GPATCH2: variants seen among roughly 807,000 people sequenced by gnomAD.
GPATCH2 encodes the protein G patch domain-containing protein 2.
GPATCH2 carries 51 observed loss-of-function variants against 58.0 expected under a neutral mutation model. The observed-to-expected ratio is 0.88, with a 90% CI of 0.70 to 1.11. The LOEUF (loss-of-function observed/expected upper bound fraction) is 1.11. GPATCH2 is among the 50% of genes most tolerant of loss of function. The pLI is 0.00. For missense variants in GPATCH2, 625 were observed against 652.2 expected, an observed-to-expected ratio of 0.96 and a Z score of 0.45; for synonymous variants, 222 against 218.5, an observed-to-expected ratio of 1.02 and a Z score of -0.14.
rs577507004 is a variant in GPATCH2 at position 217,583,652 on chromosome 1, A to C, written c.1098+26669T>G. On this transcript the variant is annotated intron_variant, in intron 5 of 9. Transcript: ENST00000366935. ...GGATAAGGGCTGAAATCTTTTTTTA[A>C]GAACTGATTAAAGATAGGAATTCTC... 2.0e-5 allele frequency among the ~76,000 whole-genome samples: 3 copies of C among 152,008 alleles called. No homozygotes were observed. The South Asian group carries it at 6.2e-4, about 32-fold the overall frequency.
intron 8 of GPATCH2, among the ~76,000 whole-genome samples, chr1:217,482,535 G>T (rs555342330): frequency 3.9e-5 from 6 of 152,214 alleles, no homozygotes; most frequent in African/African-American, 1.4e-4. Context: ...CCACTAAGAG[G>T]CCAGTGTGTC....
chr1:217,572,054 G>C (rs1432752750), intron 5 of GPATCH2, among the ~76,000 whole-genome samples: 1 of 151,900 alleles, frequency 6.6e-6, no homozygotes, highest in Non-Finnish European at 1.5e-5. Flanking sequence ...GGGAGAGGGA[G>C]AGAAATTAGG....
intron 5 of GPATCH2, among the ~76,000 whole-genome samples, chr1:217,553,994 C>T (rs977046689): frequency 6.6e-6 from 1 of 152,126 alleles, no homozygotes; most frequent in Non-Finnish European, 1.5e-5. Flanking sequence ...AAAAAAATCC[C>T]ATTTACTTTC....
intron 5 of GPATCH2, among the ~76,000 whole-genome samples, chr1:217,596,905 TC>T (rs1235589096): frequency 1.3e-5 from 2 of 152,108 alleles, no homozygotes; most frequent in East Asian, 1.9e-4. Flanking sequence ...AGCTAGGACT[TC>T]CCAGGAAACA....
intron 5 of GPATCH2, among the ~76,000 whole-genome samples, chr1:217,545,667 G>A (rs1224200842): frequency 1.3e-5 from 2 of 152,094 alleles, no homozygotes; most frequent in African/African-American, 2.4e-5. Context: ...GTTTTTCTGT[G>A]TTGTCCATGG....
chr1:217,524,733 CACCTGCAATTGCAGGCACTCGG>C (rs1663737087), intron 5 of GPATCH2, among the ~76,000 whole-genome samples: 2 of 150,060 alleles, frequency 1.3e-5, no homozygotes, highest in South Asian at 4.3e-4. Context: ...TGGCAGCGCG[CACCTGCAATTGCAGGCACTCGG>C]CAGGCTTAGG....
chr1:217,470,490 G>A (rs1008071098), intron 8 of GPATCH2, among the ~76,000 whole-genome samples: 1 of 151,882 alleles, frequency 6.6e-6, no homozygotes, highest in Non-Finnish European at 1.5e-5. Context: ...TTCTGTGTGG[G>A]CTTTTCATAT....
chr1:217,498,970 T>C (rs573557407), intron 6 of GPATCH2, among the ~76,000 whole-genome samples: 1 of 152,132 alleles, frequency 6.6e-6, no homozygotes, highest in Non-Finnish European at 1.5e-5. Context: ...AGTCACTGCA[T>C]CATCAAAGCC....
intron 5 of GPATCH2, among the ~76,000 whole-genome samples, chr1:217,525,912 A>AT (rs1194950414): frequency 1.3e-5 from 2 of 152,196 alleles, no homozygotes; most frequent in Non-Finnish European, 2.9e-5. Flanking sequence ...AACTACTTAA[A>AT]TTATTTTGGT....
chr1:217,476,498 A>T (rs1302526198), intron 8 of GPATCH2, among the ~76,000 whole-genome samples: 1 of 152,134 alleles, frequency 6.6e-6, no homozygotes, highest in African/African-American at 2.4e-5. Context: ...AACAGTCTTG[A>T]ATCACTGATG....
At chr1:217,556,489 A>T (rs1170973187) in intron 5 of GPATCH2, among the ~76,000 whole-genome samples, 1 of 152,096 alleles carries the variant, frequency 6.6e-6, no homozygotes, top group Non-Finnish European at 1.5e-5. Flanking sequence ...GCACTTGCTC[A>T]TTTCTTCCAA....
intron 5 of GPATCH2, among the ~76,000 whole-genome samples, chr1:217,571,745 T>TAAAAAAAAA (rs1553343130): frequency 7.3e-6 from 1 of 137,110 alleles, no homozygotes; most frequent in African/African-American, 2.6e-5. Flanking sequence ...ATAAGAAAAT[T>TAAAAAAAAA]AGCTGGGCAT....
intron 5 of GPATCH2, among the ~76,000 whole-genome samples, chr1:217,592,668 T>G (rs1160569740): frequency 6.6e-6 from 1 of 151,928 alleles, no homozygotes; most frequent in Non-Finnish European, 1.5e-5. Flanking sequence ...TTTCAATCAC[T>G]TAGGGTACAT....
chr1:217,495,149 T>C lies in GPATCH2; in HGVS notation c.1206+3207A>G, dbSNP rs906232304. On this transcript the variant is annotated intron_variant, in intron 7 of 9. Coordinates refer to ENST00000366935, the MANE Select transcript of GPATCH2 (RefSeq NM_018040.5). ...CTGTAAGTAAAAAACCTAGGTACAA[T>C]TGGAAAAACTGCTGAATTAAACCAG... 3 of 234,772 alleles carry C rather than the reference T, an allele frequency of 1.3e-5. No individual in the cohort carries two copies. The South Asian group carries it at 4.6e-4, about 36-fold the overall frequency. The allele number at this position is 234,772 out of a possible 1,614,324, so 14.5% of individuals were successfully genotyped here.
chr1:217,628,942 C>T (rs147936462), intron 1 of GPATCH2, among the ~76,000 whole-genome samples: 237 of 152,146 alleles, frequency 1.6e-3, no homozygotes, highest in African/African-American at 5.1e-3. Context: ...GGGGGGTATA[C>T]TGGAATCATC....
At chr1:217,615,861 A>C (rs1292641439) in intron 2 of GPATCH2, among the ~76,000 whole-genome samples, 2 of 152,146 alleles carry the variant, frequency 1.3e-5, no homozygotes, top group Admixed American at 6.5e-5. Context: ...AAGCATTATG[A>C]ATTGATGTGC....
At chr1:217,596,874 T>C (rs1667857312) in intron 5 of GPATCH2, among the ~76,000 whole-genome samples, 1 of 152,128 alleles carries the variant, frequency 6.6e-6, no homozygotes, top group African/African-American at 2.4e-5. Context: ...AAAATAATGA[T>C]AATTAAAAGA....
chr1:217,437,782 C>A (rs1193637119), intron 9 of GPATCH2, among the ~76,000 whole-genome samples: 1 of 152,192 alleles, frequency 6.6e-6, no homozygotes, highest in Non-Finnish European at 1.5e-5. Flanking sequence ...AGAGCACCTG[C>A]GGGAAGGGGT....
chr1:217,432,236 G>T (rs148808737), intron 9 of GPATCH2, among the ~76,000 whole-genome samples: 125 of 151,884 alleles, frequency 8.2e-4, no homozygotes, highest in Middle Eastern at 3.4e-3. Flanking sequence ...TTTAGATATA[G>T]ATGTTGTTTA....
Sources: gnomAD v4.1 joint callset for allele counts (sites outside exome capture counted in the v4.1 genomes callset) on GRCh38, gnomAD v4.1.1 for gene constraint, MANE v1.5 for transcripts, NCBI Gene and HGNC (gene_info 2026-07-23, HGNC 2026-07-21) for gene names.